MAP3K15: variants seen among roughly 807,000 people sequenced by gnomAD.
MAP3K15 encodes MAPK/ERK kinase kinase 15.
MAP3K15 carries 124 observed loss-of-function variants against 99.5 expected under a neutral mutation model. That is an observed-to-expected ratio of 1.25 (90% CI 1.08 to 1.45). The LOEUF (loss-of-function observed/expected upper bound fraction) is 1.45. Among genes scored for constraint, MAP3K15 ranks in the 40% most tolerant of loss-of-function variants. The probability of loss-of-function intolerance (pLI) is 0.00; values close to 1 mark genes in which losing one functional copy is unlikely to be tolerated. For missense variants in MAP3K15, 1,242 were observed against 1,079.7 expected (o/e 1.15, Z -2.11); for synonymous variants, 494 against 439.6 (o/e 1.12, Z -1.55).
In MAP3K15 at chrX:19,452,356, G is replaced by GA. The variant is rs1458142095; in HGVS notation, c.995+4556dup. 2.7e-4 allele frequency among the ~76,000 whole-genome samples: 11 copies of GA among 40,592 alleles called. 1 individual carries two copies. Among genetic ancestry groups the GA allele is most frequent in the Non-Finnish European group, 3.5e-4 (9 of 25,804 alleles). 35.2% of individuals were successfully genotyped at this position (40,592 alleles called of 115,157 possible). On this transcript the variant is annotated intron_variant, in intron 6 of 28. Transcript: ENST00000338883. ...AAGAGAAGAGAAGAGAAGAGAAAGA[G>GA]AAGAGAAGAGAAGAGAAGAGAGAAA...
At chrX:19,403,625 ATT>A (rs111526644) in intron 13 of MAP3K15, among the ~76,000 whole-genome samples, 104 of 95,028 alleles carry the variant, frequency 1.1e-3, no homozygotes, top group African/African-American at 3.9e-3. Context: ...TGCTGAGCTA[ATT>A]TTTTTTTTTT....
intron 6 of MAP3K15, among the ~76,000 whole-genome samples, chrX:19,442,483 T>A (rs930879679): frequency 9.3e-6 from 1 of 107,838 alleles, no homozygotes; most frequent in Non-Finnish European, 1.9e-5. Context: ...TATACCACAG[T>A]TGATCATTAG....
At chrX:19,368,453 T>C (rs1245180005) in intron 25 of MAP3K15, among the ~76,000 whole-genome samples, 2 of 113,252 alleles carry the variant, frequency 1.8e-5, no homozygotes, top group East Asian at 5.5e-4. Flanking sequence ...TTCACAAATA[T>C]TAAGCACCTA....
chrX:19,509,059 C>T (rs930760076), intron 1 of MAP3K15, among the ~76,000 whole-genome samples: 11 of 111,525 alleles, frequency 9.9e-5, no homozygotes, highest in Admixed American at 2.9e-4. Flanking sequence ...TGCAGCTCAT[C>T]CAATCCACTA....
chrX:19,381,197 G>C lies in MAP3K15; in HGVS notation c.2432-920C>G, dbSNP rs181956988. On this transcript the variant is annotated intron_variant, in intron 18 of 28. Transcript: ENST00000338883. ...TCTGAGGAGTAAAATGCCAAGACGA[G>C]ATGAGACATATGAGAGATTTATTGG... Among the ~76,000 whole-genome samples, 3 of 112,128 alleles carry C rather than the reference G, an allele frequency of 2.7e-5. No individual in the cohort carries two copies. The East Asian group carries it at 8.4e-4, about 32-fold the overall frequency.
chrX:19,495,175 C>T (rs1045674931), intron 1 of MAP3K15, among the ~76,000 whole-genome samples: 3 of 111,659 alleles, frequency 2.7e-5, no homozygotes, highest in African/African-American at 9.8e-5. Context: ...CCATGCCTGG[C>T]TAATTTTTGT....
At chrX:19,502,940 A>G (rs1040956906) in intron 1 of MAP3K15, among the ~76,000 whole-genome samples, 2 of 112,067 alleles carry the variant, frequency 1.8e-5, no homozygotes, top group Non-Finnish European at 3.8e-5. Context: ...GCCTCTAGGC[A>G]GATACATAAA....
chrX:19,502,958 G>A (rs1041749621), intron 1 of MAP3K15, among the ~76,000 whole-genome samples: 3 of 111,891 alleles, frequency 2.7e-5, no homozygotes, highest in Non-Finnish European at 5.6e-5. Flanking sequence ...AAATTTGAAC[G>A]CAGCAAGACC....
At chrX:19,432,737 A>G (rs1425019054) in intron 6 of MAP3K15, among the ~76,000 whole-genome samples, 1 of 98,427 alleles carries the variant, frequency 1.0e-5, no homozygotes, top group African/African-American at 3.8e-5. Flanking sequence ...TTTTTTTTTG[A>G]GACAGTCTCG....
intron 3 of MAP3K15, among the ~76,000 whole-genome samples, chrX:19,473,939 A>G (rs1232553912): frequency 8.9e-6 from 1 of 112,338 alleles, no homozygotes; most frequent in Non-Finnish European, 1.9e-5. Context: ...ATACTTAACC[A>G]TTCTTCTATT....
chrX:19,454,582 G>A (rs755264068), intron 6 of MAP3K15, among the ~76,000 whole-genome samples: 17 of 111,412 alleles, frequency 1.5e-4, no homozygotes, highest in Non-Finnish European at 3.0e-4. Flanking sequence ...TCTGAGGGTC[G>A]AAAGTCATCC....
chrX:19,365,328 A>G (rs976702906), intron 25 of MAP3K15, among the ~76,000 whole-genome samples: 8 of 112,201 alleles, frequency 7.1e-5, no homozygotes, highest in African/African-American at 2.6e-4. Flanking sequence ...AGAGGCCAAG[A>G]AGGATCTAGA....
At chrX:19,447,926 A>G (rs1375504958) in intron 6 of MAP3K15, among the ~76,000 whole-genome samples, 1 of 101,856 alleles carries the variant, frequency 9.8e-6, no homozygotes, top group East Asian at 3.0e-4. Context: ...AAAATCTGAA[A>G]GGATGTCTCC....
At chrX:19,513,534 C>T (rs949241811) in intron 1 of MAP3K15, among the ~76,000 whole-genome samples, 1 of 111,419 alleles carries the variant, frequency 9.0e-6, no homozygotes, top group Non-Finnish European at 1.9e-5. Flanking sequence ...GGTCCAGCTG[C>T]CACTTGTTTA....
chrX:19,450,970 G>A (rs1338080277), intron 6 of MAP3K15, among the ~76,000 whole-genome samples: 2 of 109,438 alleles, frequency 1.8e-5, no homozygotes, highest in African/African-American at 6.5e-5. Context: ...TGAAAGCACA[G>A]GCAACAAAGC....
At position 19,460,761 on chromosome X, in the gene MAP3K15, GT is replaced by G. The variant is rs372618461; in HGVS notation, c.720-609del. Among the ~76,000 whole-genome samples the G allele has an allele frequency of 3.6e-3, 350 of 98,022 alleles. 2 individuals are homozygous for G. The highest frequency in any genetic ancestry group is 9.3e-3 in the African/African-American group (238 of 25,487). The allele number at this position is 98,022 out of a possible 115,157, so 85.1% of individuals were successfully genotyped here. A position where few individuals can be genotyped will look rare whatever the true frequency, so the allele number is the denominator to read the frequency against. On this transcript the variant is annotated intron_variant, in intron 4 of 28. Transcript: ENST00000338883. ...AGATGTTCTGTTTTTTTGTTTTTTT[GT>G]TTTTTTTTTTTTATTTTTATTTATT...
At chrX:19,426,662 C>G (rs1168974453) in intron 7 of MAP3K15, among the ~76,000 whole-genome samples, 1 of 108,381 alleles carries the variant, frequency 9.2e-6, no homozygotes, top group Non-Finnish European at 1.9e-5. Context: ...AAAAAAACTA[C>G]AAAAATTAGC....
chrX:19,486,510 A>G lies in MAP3K15; in HGVS notation c.502-5T>C, dbSNP rs775273447. 3.3e-5 allele frequency: 29 copies of G among 873,925 alleles called. 1 individual carries two copies. In the South Asian group the frequency reaches 7.7e-4, roughly 23 times the overall value. 72.0% of individuals were successfully genotyped at this position (873,925 alleles called of 1,213,427 possible). ...GTTTTTTTGAGTTACCATGTCCTGA[A>G]AAGAAAAAGAAAAGATGAATATAGC... is the stretch of plus-strand genomic sequence containing the variant. On this transcript the variant is annotated splice_region_variant and splice_polypyrimidine_tract_variant and intron_variant, in intron 2 of 28. Coordinates refer to ENST00000338883, the MANE Select transcript of MAP3K15 (RefSeq NM_001001671.4).
intron 7 of MAP3K15, among the ~76,000 whole-genome samples, chrX:19,426,818 C>CAAAAAAACAAAAA (rs1233194486): frequency 4.7e-5 from 1 of 21,148 alleles, no homozygotes; most frequent in African/African-American, 2.1e-4. Flanking sequence ...AATCTGTCTC[C>CAAAAAAACAAAAA]AAAAAAAAAA....
Sources: gnomAD v4.1 joint callset for allele counts (sites outside exome capture counted in the v4.1 genomes callset) on GRCh38, gnomAD v4.1.1 for gene constraint, MANE v1.5 for transcripts, NCBI Gene and HGNC (gene_info 2026-07-23, HGNC 2026-07-21) for gene names.